Variants in AHR observed in about 807,000 individuals in gnomAD.
The protein encoded by AHR is AH-receptor.
AHR carries 40 observed loss-of-function variants against 86.8 expected under a neutral mutation model. The ratio of observed to expected loss-of-function variants is 0.46; its 90% CI spans 0.36 to 0.60. The LOEUF (loss-of-function observed/expected upper bound fraction) is 0.60. Among genes scored for constraint, AHR ranks in the 20% least tolerant of loss-of-function variants. The pLI is 0.00. For missense variants in AHR, 1,001 were observed against 1,011.6 expected, an observed-to-expected ratio of 0.99 and a Z score of 0.14; for synonymous variants, 398 against 354.9, an observed-to-expected ratio of 1.12 and a Z score of -1.37.
rs1299902907 is a variant in AHR at position 17,298,906 on chromosome 7, C to T, written c.-359C>T. 2 of 411,906 alleles carry T rather than the reference C, an allele frequency of 4.9e-6. No individual in the cohort carries two copies. Among genetic ancestry groups the T allele is most frequent in the Non-Finnish European group, 8.5e-6 (2 of 234,894 alleles). The allele number at this position is 411,906 out of a possible 1,614,324, so 25.5% of individuals were successfully genotyped here. On this transcript the variant is annotated 5_prime_UTR_variant, in exon 1 of 11. Coordinates refer to ENST00000242057, the MANE Select transcript of AHR (RefSeq NM_001621.5). ...ACCGTGAGCGACCCAGGCCAGGATTCTAAATAGACGGCCCAGGCTCCTCCT... is the reference window on the plus strand; with the variant it reads ...ACCGTGAGCGACCCAGGCCAGGATTTTAAATAGACGGCCCAGGCTCCTCCT...
intron 4 of AHR, among the ~76,000 whole-genome samples, chr7:17,328,620 A>G (rs538355998): frequency 2.0e-5 from 3 of 152,064 alleles, no homozygotes; most frequent in South Asian, 4.1e-4. Flanking sequence ...ATTCTGAATC[A>G]GTAGTTCACA....
At chr7:17,302,197 G>C (rs1781961933) in intron 1 of AHR, among the ~76,000 whole-genome samples, 1 of 139,076 alleles carries the variant, frequency 7.2e-6, no homozygotes, top group Non-Finnish European at 1.6e-5. Context: ...CAAATAATAG[G>C]TGTTGAGAAA....
chr7:17,304,795 A>G (rs1781988760), intron 1 of AHR, among the ~76,000 whole-genome samples: 1 of 152,152 alleles, frequency 6.6e-6, no homozygotes, highest in Non-Finnish European at 1.5e-5. Context: ...CCATGCACTT[A>G]GTACATATTT....
In AHR at chr7:17,330,790, T is replaced by C; in HGVS notation, c.609T>C (p.Tyr203=). The C allele has an allele frequency of 1.2e-6, 2 of 1,612,360 alleles. No individual in the cohort carries two copies. Among genetic ancestry groups the C allele is most frequent in the Non-Finnish European group, 1.7e-6 (2 of 1,178,784 alleles). ...GTCTCCCCCAGACAGTAGTCTGTTA[T>C]AACCCAGACCAGATTCCTCCAGAAA... ...ATGLPQTVVC[Y]NPDQIPPENS... The change falls in exon 6 of 11, where the codon TAT becomes TAC. Residue 203 remains tyrosine, a synonymous_variant. Transcript: ENST00000242057.
Position 17,339,208 on chromosome 7 carries a change from G to T in AHR, c.1383G>T (p.Met461Ile). The T allele has an allele frequency of 6.2e-7, 1 of 1,614,154 alleles. No homozygotes were observed. The highest frequency in any genetic ancestry group is 8.5e-7 in the Non-Finnish European group (1 of 1,180,024). The change falls in exon 10 of 11, where the codon ATG becomes ATT. Residue 461 changes from methionine (M) to isoleucine (I), a missense_variant. Physicochemically the swap from Met to Ile is conservative, Grantham distance 10. This residue lies in a region of AHR where 607 missense variants were observed against 543.1 expected (regional missense o/e 1.12). Coordinates refer to ENST00000242057, the MANE Select transcript of AHR (RefSeq NM_001621.5). ...LNPSSLLAAM[M>I]QQDESIYLYP... ...CTAGTTCCCTCCTGGCTGCCATGAT[G>T]CAACAAGATGAGTCTATTTATCTCT...
At chr7:17,309,222 A>C (rs1782037144) in intron 1 of AHR, among the ~76,000 whole-genome samples, 4 of 152,226 alleles carry the variant, frequency 2.6e-5, no homozygotes, top group Admixed American at 2.6e-4. Context: ...TAATTGAGAC[A>C]CAAGCTACGA....
chr7:17,329,070 C>A (rs2115363382), intron 4 of AHR, among the ~76,000 whole-genome samples: 1 of 151,972 alleles, frequency 6.6e-6, no homozygotes, highest in South Asian at 2.1e-4. Flanking sequence ...TTTTCCAATC[C>A]ATTTTTTTCT....
At chr7:17,308,669 C>A (rs1477908856) in intron 1 of AHR, among the ~76,000 whole-genome samples, 1 of 151,194 alleles carries the variant, frequency 6.6e-6, no homozygotes, top group African/African-American at 2.4e-5. Flanking sequence ...GTACAGACAA[C>A]CTGGAGAAGG....
chr7:17,308,698 TAA>T (rs764652463), intron 1 of AHR, among the ~76,000 whole-genome samples: 9 of 149,302 alleles, frequency 6.0e-5, no homozygotes, highest in Admixed American at 1.3e-4. Context: ...GATACATACA[TAA>T]ACACACACAC....
At position 17,339,018 on chromosome 7, in the gene AHR, G is replaced by A. The variant is rs1162451095; in HGVS notation, c.1193G>A (p.Arg398Gln). The A allele has an allele frequency of 3.1e-6, 5 of 1,613,838 alleles. No homozygotes were observed. The highest frequency in any genetic ancestry group is 4.2e-6 in the Non-Finnish European group (5 of 1,179,888). The stretch of plus-strand genomic sequence containing the variant: ...GAAGGAACAGAGCATTTACGAAAAC[G>A]AAATACGAAGTTGCCTTTTATGTTT... ...DEEGTEHLRK[R>Q]NTKLPFMFTT... is the part of the protein sequence containing the mutation. Residue 398 changes from arginine to glutamine, a missense_variant, in exon 10 of 11, where the codon CGA becomes CAA. Transcript: ENST00000242057.
intron 2 of AHR, among the ~76,000 whole-genome samples, chr7:17,314,351 T>C (rs1782095065): frequency 6.6e-6 from 1 of 152,124 alleles, no homozygotes; most frequent in Non-Finnish European, 1.5e-5. Flanking sequence ...GTTAAAATAT[T>C]TTCATTCATT....
At chr7:17,327,665 G>A (rs1782243301) in intron 3 of AHR, 94 bp from the exon 4 acceptor site, 1 of 577,874 alleles carries the variant, frequency 1.7e-6, no homozygotes, top group East Asian at 3.4e-5. Flanking sequence ...TAACTATTTT[G>A]AAGAGAAGAA....
chr7:17,312,166 A>T (rs1461900117), intron 2 of AHR, among the ~76,000 whole-genome samples: 1 of 152,168 alleles, frequency 6.6e-6, no homozygotes, highest in Non-Finnish European at 1.5e-5. Context: ...ATTTACTCAC[A>T]TGCTGTGCTT....
chr7:17,335,849 G>A, intron 9 of AHR, 63 bp downstream of exon 9: 1 of 1,499,770 alleles, frequency 6.7e-7, no homozygotes, highest in Non-Finnish European at 9.1e-7. Context: ...TTATGTGAAA[G>A]CATAAAAATA....
chr7:17,334,543 T>C (rs1272463029), intron 7 of AHR, among the ~76,000 whole-genome samples: 3 of 152,008 alleles, frequency 2.0e-5, no homozygotes, highest in African/African-American at 7.2e-5. Flanking sequence ...GAGAGGTAAT[T>C]AGAAAAACCT....
intron 10 of AHR, among the ~76,000 whole-genome samples, chr7:17,341,767 C>T (rs1468730495): frequency 6.6e-6 from 1 of 152,004 alleles, no homozygotes; most frequent in Non-Finnish European, 1.5e-5. Context: ...TAAAAAGAAA[C>T]AGGTAAAATT....
chr7:17,344,282 A>T lies in AHR; in HGVS notation c.*1218A>T, dbSNP rs1782458524. On this transcript the variant is annotated 3_prime_UTR_variant, in exon 11 of 11. Coordinates refer to ENST00000242057, the MANE Select transcript of AHR (RefSeq NM_001621.5). ...ATTGCAGATAGCAAGGTTTGGTGCA[A>T]AGTATTGTAATGAGTGAATTGAATG... The T allele has an allele frequency of 6.5e-6, 1 of 152,764 alleles. No homozygotes were observed. The highest frequency in any genetic ancestry group is 2.4e-5 in the African/African-American group (1 of 41,462). 9.5% of individuals were successfully genotyped at this position (152,764 alleles called of 1,614,324 possible).
intron 10 of AHR, among the ~76,000 whole-genome samples, chr7:17,342,620 C>G (rs753609740): frequency 2.0e-5 from 3 of 152,010 alleles, no homozygotes; most frequent in Non-Finnish European, 1.5e-5. Flanking sequence ...GCTGTTTGAC[C>G]CATCAATTCC....
chr7:17,318,818 G>T (rs987056039), intron 2 of AHR, among the ~76,000 whole-genome samples: 1 of 152,066 alleles, frequency 6.6e-6, no homozygotes. Flanking sequence ...TGTGTCTTTT[G>T]TATATGTATT....
Sources: allele counts gnomAD v4.1 joint callset (sites outside exome capture counted in the v4.1 genomes callset), GRCh38; gene constraint gnomAD v4.1.1; regional missense constraint gnomAD v4.1.1; transcripts MANE v1.5; gene names NCBI Gene and HGNC (gene_info 2026-07-23, HGNC 2026-07-21).